WWOX: variants seen among roughly 807,000 people sequenced by gnomAD.
WWOX encodes the protein WW domain containing oxidoreductase.
A neutral mutation model predicts 46.2 loss-of-function variants in WWOX; 69 were observed. The ratio of observed to expected loss-of-function variants is 1.49; its 90% CI spans 1.23 to 1.82. The LOEUF is 1.82. WWOX is among the 40% of genes most tolerant of loss of function. The probability of loss-of-function intolerance (pLI) is 0.00; values close to 1 mark genes in which losing one functional copy is unlikely to be tolerated. For missense variants in WWOX, 919 were observed against 542.6 expected, an observed-to-expected ratio of 1.69 and a Z score of -6.89; for synonymous variants, 359 against 202.6, an observed-to-expected ratio of 1.77 and a Z score of -6.56.
At chr16:78,289,923 A>G (rs77531989) in intron 5 of WWOX, among the ~76,000 whole-genome samples, 2,668 of 152,312 alleles carry the variant, frequency 0.018, 39 homozygotes, top group Middle Eastern at 0.078. Context: ...TAGCCACTTA[A>G]AAAATTTTTC....
At chr16:79,028,229 G>C (rs1027274291) in intron 8 of WWOX, among the ~76,000 whole-genome samples, 1 of 151,904 alleles carries the variant, frequency 6.6e-6, no homozygotes. Flanking sequence ...GATTACAGGC[G>C]TGAGCCACCA....
intron 8 of WWOX, among the ~76,000 whole-genome samples, chr16:78,759,219 CT>C (rs2049731455): frequency 6.6e-6 from 1 of 152,112 alleles, no homozygotes; most frequent in African/African-American, 2.4e-5. Context: ...GGGTAATCAA[CT>C]GGGAACCCAT....
chr16:79,134,487 G>C (rs2049944514), intron 8 of WWOX, among the ~76,000 whole-genome samples: 1 of 152,178 alleles, frequency 6.6e-6, no homozygotes, highest in African/African-American at 2.4e-5. Context: ...CGAGGTCATT[G>C]TGCCTGCGGA....
At chr16:78,383,518 C>G (rs776423966) in intron 5 of WWOX, among the ~76,000 whole-genome samples, 2 of 152,152 alleles carry the variant, frequency 1.3e-5, no homozygotes, top group Non-Finnish European at 2.9e-5. Flanking sequence ...CCTCGCCTAA[C>G]AATCAGCAGT....
At chr16:78,685,792 T>G (rs148587111) in intron 8 of WWOX, among the ~76,000 whole-genome samples, 1 of 151,996 alleles carries the variant, frequency 6.6e-6, no homozygotes, top group Non-Finnish European at 1.5e-5. Flanking sequence ...ATGTGTGGTG[T>G]ATCTGTAATC....
intron 8 of WWOX, among the ~76,000 whole-genome samples, chr16:78,972,481 A>T (rs1324084293): frequency 3.3e-5 from 5 of 152,002 alleles, no homozygotes; most frequent in Non-Finnish European, 7.4e-5. Context: ...AAAAAAAAAA[A>T]AAATAAAAGA....
chr16:78,822,992 A>G (rs1241790420), intron 8 of WWOX, among the ~76,000 whole-genome samples: 1 of 152,234 alleles, frequency 6.6e-6, no homozygotes, highest in Non-Finnish European at 1.5e-5. Context: ...AAATTTGTGA[A>G]TAAATCTGTT....
intron 8 of WWOX, among the ~76,000 whole-genome samples, chr16:78,766,815 C>G (rs1001672363): frequency 2.6e-5 from 4 of 152,118 alleles, no homozygotes; most frequent in African/African-American, 4.8e-5. Flanking sequence ...TAGTATTTAT[C>G]ATTTTAATTT....
intron 8 of WWOX, among the ~76,000 whole-genome samples, chr16:78,818,525 G>A (rs558715282): frequency 6.6e-6 from 1 of 152,352 alleles, no homozygotes; most frequent in Admixed American, 6.5e-5. Flanking sequence ...GAAGCCAGGA[G>A]TTTGAGATCA....
At position 78,996,383 on chromosome 16, in the gene WWOX, C is replaced by CA. The variant is rs1156619910; in HGVS notation, c.1057-215225_1057-215224insA. ...TGAGTGAATTCTGCACCCACCCCCG[C>CA]CCCCCAGCTTCCCCACCTGTAAAAT... is the stretch of plus-strand genomic sequence containing the variant. On this transcript the variant is annotated intron_variant, in intron 8 of 8. Transcript: ENST00000566780. 5.8e-5 allele frequency: 43 copies of CA among 735,704 alleles called. 1 individual carries two copies. The highest frequency in any genetic ancestry group is 6.5e-5 in the South Asian group (1 of 15,294). 45.6% of individuals were successfully genotyped at this position (735,704 alleles called of 1,614,324 possible). A position where few individuals can be genotyped will look rare whatever the true frequency, so the allele number is the denominator to read the frequency against.
At chr16:78,360,248 T>C (rs2081381625) in intron 5 of WWOX, among the ~76,000 whole-genome samples, 1 of 152,130 alleles carries the variant, frequency 6.6e-6, no homozygotes, top group African/African-American at 2.4e-5. Context: ...TTCACTGGTG[T>C]TCTGTCAATT....
chr16:78,111,007 T>A (rs74785573), intron 3 of WWOX, among the ~76,000 whole-genome samples: 2 of 138,278 alleles, frequency 1.4e-5, no homozygotes, highest in African/African-American at 5.9e-5. Context: ...TGAGCAGGAA[T>A]TTTTTTTTTT....
intron 8 of WWOX, among the ~76,000 whole-genome samples, chr16:79,181,144 A>G (rs903232749): frequency 3.9e-5 from 6 of 152,358 alleles, no homozygotes; most frequent in African/African-American, 1.4e-4. Context: ...TGACCGTGCA[A>G]ACATGCAGAT....
At chr16:78,121,848 A>G (rs2033109190) in intron 4 of WWOX, among the ~76,000 whole-genome samples, 1 of 151,990 alleles carries the variant, frequency 6.6e-6, no homozygotes, top group Non-Finnish European at 1.5e-5. Context: ...TTTAGTAGAG[A>G]CAAGGTTTTG....
At chr16:78,905,383 T>C (rs1046326882) in intron 8 of WWOX, among the ~76,000 whole-genome samples, 1 of 152,108 alleles carries the variant, frequency 6.6e-6, no homozygotes, top group African/African-American at 2.4e-5. Context: ...GAAGAATTCT[T>C]ATTTATTTAT....
chr16:78,306,848 C>G (rs1416514387), intron 5 of WWOX, among the ~76,000 whole-genome samples: 1 of 151,694 alleles, frequency 6.6e-6, no homozygotes, highest in Non-Finnish European at 1.5e-5. Flanking sequence ...TTCCCACAAT[C>G]CCCACTGAGC....
intron 8 of WWOX, among the ~76,000 whole-genome samples, chr16:78,718,092 G>GTTTTTTTTTTTTTTTATTTTTT: frequency 5.7e-5 from 8 of 139,656 alleles, no homozygotes; most frequent in South Asian, 4.4e-4. Context: ...GGTTCTGGTG[G>GTTTTTTTTTTTTTTTATTTTTT]TTGTATTTTT....
At chr16:78,381,130 A>G (rs532681659) in intron 5 of WWOX, among the ~76,000 whole-genome samples, 16 of 152,280 alleles carry the variant, frequency 1.1e-4, no homozygotes, top group African/African-American at 3.6e-4. Flanking sequence ...TGCAATGACA[A>G]TATCTCCCCA....
intron 6 of WWOX, among the ~76,000 whole-genome samples, chr16:78,417,979 G>T (rs761787742): frequency 2.6e-5 from 4 of 152,192 alleles, no homozygotes; most frequent in Non-Finnish European, 5.9e-5. Flanking sequence ...GTGATAATAA[G>T]ATTTGCATGA....
Sources: allele counts gnomAD v4.1 joint callset (sites outside exome capture counted in the v4.1 genomes callset), GRCh38; gene constraint gnomAD v4.1.1; transcripts MANE v1.5; gene names NCBI Gene and HGNC (gene_info 2026-07-23, HGNC 2026-07-21).